Variants in AOPEP observed in about 807,000 individuals in gnomAD.
AOPEP encodes aminopeptidase O.
Under a neutral mutation model 98.1 loss-of-function variants are expected in AOPEP, and 77 were observed. The ratio of observed to expected loss-of-function variants is 0.78; its 90% CI spans 0.65 to 0.95. AOPEP has a LOEUF of 0.95. AOPEP is among the 40% of genes least tolerant of loss of function. AOPEP has a pLI of 0.00. For synonymous variants in AOPEP, 346 were observed against 365.3 expected, an observed-to-expected ratio of 0.95 and a Z score of 0.60; for missense variants, 1,024 against 1,024.7, an observed-to-expected ratio of 1.00 and a Z score of 0.01.
chr9:94,870,895 C>T (rs1298123930), intron 5 of AOPEP, among the ~76,000 whole-genome samples: 1 of 152,188 alleles, frequency 6.6e-6, no homozygotes, highest in Non-Finnish European at 1.5e-5. Context: ...TCTGGCTGGC[C>T]TTCATAAGGG....
At chr9:94,763,419 G>C in intron 2 of AOPEP, 1 of 199,784 alleles carries the variant, frequency 5.0e-6, no homozygotes. Context: ...AAATGAAATA[G>C]CTTAATATTG....
the AOPEP span, among the ~76,000 whole-genome samples, chr9:95,140,024 T>C: frequency 6.6e-6 from 1 of 151,938 alleles, no homozygotes; most frequent in East Asian, 1.9e-4. Flanking sequence ...CTGCCTGGAA[T>C]TGACCAAAAT....
At chr9:94,916,937 G>A (rs977320596) in intron 5 of AOPEP, among the ~76,000 whole-genome samples, 4 of 152,100 alleles carry the variant, frequency 2.6e-5, no homozygotes, top group African/African-American at 9.7e-5. Flanking sequence ...ATTGAGAGAG[G>A]GAAAGGAGTC....
At chr9:95,068,292 C>G (rs2134028244) in intron 14 of AOPEP, among the ~76,000 whole-genome samples, 1 of 150,448 alleles carries the variant, frequency 6.6e-6, no homozygotes, top group African/African-American at 2.4e-5. Flanking sequence ...TACATTTTCT[C>G]TAGCAGTGAG....
At chr9:94,760,704 C>T in intron 2 of AOPEP, 124 bp downstream of exon 2, 2 of 749,328 alleles carry the variant, frequency 2.7e-6, no homozygotes, top group Non-Finnish European at 4.1e-6. Flanking sequence ...ACCCAAGTAG[C>T]CTCAAATCCT....
chr9:95,056,266 G>A (rs1027736749), intron 13 of AOPEP: 1 of 152,378 alleles, frequency 6.6e-6, no homozygotes, highest in Non-Finnish European at 1.5e-5. Context: ...GAGCCGCACA[G>A]TGACTTTCTT....
intron 3 of AOPEP, among the ~76,000 whole-genome samples, chr9:94,776,612 A>G (rs1448109234): frequency 2.0e-5 from 3 of 152,156 alleles, no homozygotes; most frequent in African/African-American, 4.8e-5. Flanking sequence ...TTTCCTCATT[A>G]TGTTATGGCT....
At chr9:94,955,776 A>C in intron 8 of AOPEP, 132 bp from the exon 9 acceptor site, 2 of 596,062 alleles carry the variant, frequency 3.4e-6, no homozygotes, top group South Asian at 4.8e-5. Context: ...TGGAAAGGGC[A>C]GCCAGGGACA....
the AOPEP span, among the ~76,000 whole-genome samples, chr9:95,095,726 G>A: frequency 5.9e-5 from 9 of 152,148 alleles, no homozygotes; most frequent in Non-Finnish European, 1.2e-4. Context: ...AGTCCGCAGG[G>A]ATGCGCTGGA....
chr9:95,146,695 C>G, the AOPEP span, among the ~76,000 whole-genome samples: 3,437 of 151,986 alleles, frequency 0.023, 142 homozygotes, highest in African/African-American at 0.079. Context: ...TTATACCACA[C>G]AGTGGATTCA....
intron 1 of AOPEP, among the ~76,000 whole-genome samples, chr9:94,743,220 GGAAGAAGAA>G (rs10597318): frequency 1.2e-4 from 8 of 68,966 alleles, no homozygotes; most frequent in Non-Finnish European, 1.8e-4. Context: ...AGGAAGAAGA[GGAAGAAGAA>G]GAGGAAGAAG....
chr9:95,093,543 CTTAT>C, the AOPEP span, among the ~76,000 whole-genome samples: 1 of 152,160 alleles, frequency 6.6e-6, no homozygotes, highest in Non-Finnish European at 1.5e-5. Flanking sequence ...TTGATAACAA[CTTAT>C]TTTTCTCATA....
chr9:94,956,835 A>G (rs2058490194), intron 9 of AOPEP, among the ~76,000 whole-genome samples: 1 of 152,224 alleles, frequency 6.6e-6, no homozygotes, highest in Non-Finnish European at 1.5e-5. Flanking sequence ...TGTGAGTCTC[A>G]TTATCTCCAG....
the AOPEP span, chr9:95,150,153 A>C: frequency 1.3e-6 from 2 of 1,568,876 alleles, no homozygotes; most frequent in South Asian, 2.3e-5. Flanking sequence ...ACATATAAAA[A>C]CCTTCATGCT....
At chr9:94,982,565 CTTT>C (rs532615813) in intron 11 of AOPEP, among the ~76,000 whole-genome samples, 5 of 134,570 alleles carry the variant, frequency 3.7e-5, no homozygotes, top group Non-Finnish European at 3.2e-5. Context: ...AAGAGCAATA[CTTT>C]TTTTTTTTTT....
chr9:94,772,965 G>A (rs2132854759), intron 2 of AOPEP, 37 bp from the exon 3 acceptor site: 1 of 1,546,800 alleles, frequency 6.5e-7, no homozygotes, highest in East Asian at 2.3e-5. Context: ...TCATTTTAAA[G>A]ATTCACCCCC....
chr9:94,937,893 GA>G (rs1313403959), intron 7 of AOPEP, among the ~76,000 whole-genome samples: 2 of 151,858 alleles, frequency 1.3e-5, no homozygotes, highest in African/African-American at 4.8e-5. Context: ...TCTTTTTTGA[GA>G]TGGAATCTCG....
At chr9:95,128,627 AGAGT>A in the AOPEP span, among the ~76,000 whole-genome samples, 2 of 152,236 alleles carry the variant, frequency 1.3e-5, no homozygotes, top group African/African-American at 2.4e-5. Context: ...TTGTTAGAAG[AGAGT>A]GAGAGCTTAG....
At chr9:95,045,866 G>A (rs1461128048) in intron 13 of AOPEP, among the ~76,000 whole-genome samples, 3 of 152,186 alleles carry the variant, frequency 2.0e-5, no homozygotes, top group Admixed American at 6.5e-5. Context: ...GCAGCATCAC[G>A]CTGCCGGCCC....
Sources: gnomAD v4.1 joint callset for allele counts (sites outside exome capture counted in the v4.1 genomes callset) on GRCh38, gnomAD v4.1.1 for gene constraint, MANE v1.5 for transcripts, NCBI Gene and HGNC (gene_info 2026-07-23, HGNC 2026-07-21) for gene names.